Variants in RASAL2 observed in about 807,000 individuals in gnomAD.
RASAL2 encodes the protein ras GTPase-activating protein nGAP.
RASAL2 carries 58 observed loss-of-function variants against 128.9 expected under a neutral mutation model. The ratio of observed to expected loss-of-function variants is 0.45; its 90% confidence interval spans 0.36 to 0.56. The LOEUF is 0.56. Ranked by LOEUF, RASAL2 falls within the 20% of genes least tolerant of loss-of-function variation. The pLI is 0.00. For synonymous variants in RASAL2, 561 were observed against 580.8 expected (o/e 0.97, Z 0.49); for missense variants, 1,360 against 1,601.6 (o/e 0.85, Z 2.57).
At position 178,373,599 on chromosome 1, in the gene RASAL2, A is replaced by G. The variant is rs116502979; in HGVS notation, c.458-16501A>G. Among the ~76,000 whole-genome samples the G allele has an allele frequency of 3.3e-3, 508 of 152,160 alleles. 4 individuals carry two copies. The highest frequency in any genetic ancestry group is 0.012 in the African/African-American group (492 of 41,548). ...CATGGGAAAGGAAGGCAGAGTTATC[A>G]TTAAACATATTTTCTGTGCTCTGGC... On this transcript the variant is annotated intron_variant, in intron 3 of 17. Transcript: ENST00000367649.
intron 1 of RASAL2, among the ~76,000 whole-genome samples, chr1:178,210,140 G>C (rs533369940): frequency 3.3e-5 from 5 of 151,554 alleles, no homozygotes; most frequent in South Asian, 2.1e-4. Flanking sequence ...AGTTTCCTCT[G>C]ACCTTATTCT....
intron 3 of RASAL2, among the ~76,000 whole-genome samples, chr1:178,311,253 AACACACAC>A (rs67243509): frequency 1.5e-4 from 22 of 143,702 alleles, no homozygotes; most frequent in East Asian, 4.0e-4. Context: ...CACACACACA[AACACACAC>A]ACACACACAC....
intron 1 of RASAL2, among the ~76,000 whole-genome samples, chr1:178,167,267 A>G (rs1661550013): frequency 6.6e-6 from 1 of 152,164 alleles, no homozygotes. Context: ...CAGATAAAGC[A>G]GTAACAGAAT....
intron 3 of RASAL2, among the ~76,000 whole-genome samples, chr1:178,337,708 G>T (rs1213406448): frequency 1.3e-5 from 2 of 152,034 alleles, no homozygotes; most frequent in Admixed American, 1.3e-4. Context: ...TAATTTATTT[G>T]ATAAGCAATA....
At chr1:178,094,823 T>C in intron 1 of RASAL2, 129 bp downstream of exon 1, 1 of 1,138,982 alleles carries the variant, frequency 8.8e-7, no homozygotes, top group Non-Finnish European at 1.2e-6. Flanking sequence ...TCCCTTTTTG[T>C]TCTGGGGGTG....
intron 1 of RASAL2, among the ~76,000 whole-genome samples, chr1:178,158,062 T>C (rs1337815535): frequency 2.6e-5 from 4 of 152,226 alleles, no homozygotes; most frequent in Admixed American, 6.5e-5. Context: ...GACTGCTTTG[T>C]TATGTTTGTA....
In RASAL2 at chr1:178,473,526, T is replaced by C. The variant is rs2102976927; in HGVS notation, c.*287T>C. ...AAGGAAGTTAATAATGTAGATTACC[T>C]TTTTGATTATTGCTATTTTTATTAT... is the stretch of plus-strand genomic sequence containing the variant. On this transcript the variant is annotated 3_prime_UTR_variant, in exon 18 of 18. Coordinates refer to ENST00000367649, the MANE Select transcript of RASAL2 (RefSeq NM_170692.4). 2.5e-6 allele frequency: 1 copy of C among 403,786 alleles called. No homozygotes were observed. The highest frequency in any genetic ancestry group is 3.7e-5 in the South Asian group (1 of 26,944). The allele number at this position is 403,786 out of a possible 1,614,324, so 25.0% of individuals were successfully genotyped here.
chr1:178,248,560 G>A (rs937946338), intron 1 of RASAL2, among the ~76,000 whole-genome samples: 9 of 152,062 alleles, frequency 5.9e-5, no homozygotes, highest in Admixed American at 4.6e-4. Flanking sequence ...GGTTAATATC[G>A]TTAGTATGTG....
In RASAL2 at chr1:178,299,428, C is replaced by T. The variant is rs147064370; in HGVS notation, c.331-564C>T. Among the ~76,000 whole-genome samples, 11 of 152,254 alleles carry T rather than the reference C, an allele frequency of 7.2e-5. No individual in the cohort carries two copies. In the East Asian group the frequency reaches 1.9e-3, roughly 27 times the overall value. On this transcript the variant is annotated intron_variant, in intron 2 of 17. Coordinates refer to ENST00000367649, the MANE Select transcript of RASAL2 (RefSeq NM_170692.4). ...TTTCTGAGCTCCAGGAGCAAGTACG[C>T]ACCTGGTTATGATTTGTACATACTT... is the stretch of plus-strand genomic sequence containing the variant.
chr1:178,323,874 A>G (rs1371988814), intron 3 of RASAL2, among the ~76,000 whole-genome samples: 1 of 152,180 alleles, frequency 6.6e-6, no homozygotes, highest in Non-Finnish European at 1.5e-5. Context: ...ATTAGTATAT[A>G]AAAACCACAC....
intron 1 of RASAL2, among the ~76,000 whole-genome samples, chr1:178,208,072 G>A (rs964951189): frequency 5.9e-5 from 9 of 152,076 alleles, no homozygotes; most frequent in African/African-American, 1.4e-4. Context: ...GAGGATGTAC[G>A]TCACCTCAGG....
intron 3 of RASAL2, among the ~76,000 whole-genome samples, chr1:178,348,215 T>C (rs1670252826): frequency 6.6e-6 from 1 of 152,250 alleles, no homozygotes; most frequent in African/African-American, 2.4e-5. Flanking sequence ...ATTCAGATGC[T>C]GGTTACTAGC....
chr1:178,357,131 C>G (rs568483532), intron 3 of RASAL2, among the ~76,000 whole-genome samples: 8 of 152,138 alleles, frequency 5.3e-5, no homozygotes, highest in Non-Finnish European at 8.8e-5. Flanking sequence ...TTGATAGATG[C>G]TGTTAAATAG....
chr1:178,376,501 T>C (rs555310775), intron 3 of RASAL2, among the ~76,000 whole-genome samples: 14 of 152,106 alleles, frequency 9.2e-5, no homozygotes, highest in African/African-American at 3.4e-4. Flanking sequence ...GGTTTGGAGG[T>C]GAGAGTAGAA....
At chr1:178,125,011 A>G (rs945483880) in intron 1 of RASAL2, among the ~76,000 whole-genome samples, 1 of 152,208 alleles carries the variant, frequency 6.6e-6, no homozygotes, top group African/African-American at 2.4e-5. Context: ...TCATACTTAG[A>G]GAAATTATCT....
chr1:178,335,302 G>T (rs1030889518), intron 3 of RASAL2, among the ~76,000 whole-genome samples: 1 of 152,002 alleles, frequency 6.6e-6, no homozygotes, highest in African/African-American at 2.4e-5. Context: ...TTGTAATACT[G>T]GTTTTTCTTC....
intron 2 of RASAL2, among the ~76,000 whole-genome samples, chr1:178,294,946 G>C (rs1427424067): frequency 6.6e-6 from 1 of 152,154 alleles, no homozygotes; most frequent in Non-Finnish European, 1.5e-5. Context: ...AAACAGAATA[G>C]AGATACTAGT....
At chr1:178,201,169 T>C (rs1288074239) in intron 1 of RASAL2, among the ~76,000 whole-genome samples, 1 of 152,196 alleles carries the variant, frequency 6.6e-6, no homozygotes, top group Non-Finnish European at 1.5e-5. Flanking sequence ...TGATGGTGGA[T>C]GGAACGTAGA....
rs771097312 is a variant in RASAL2 at position 178,457,739 on chromosome 1, G to A, written c.2447G>A (p.Gly816Glu). Residue 816 changes from glycine to glutamate, a missense_variant, in exon 14 of 18, where the codon GGG (glycine) becomes GAG (glutamate). Gly to Glu is a moderately conservative substitution (Grantham distance 98). This residue lies in a region of RASAL2 where 741 missense variants were observed against 868.6 expected (regional missense o/e 0.85). Coordinates refer to ENST00000367649, the MANE Select transcript of RASAL2 (RefSeq NM_170692.4). ...GACAACACAGACAGCTACTTCAGAG[G>A]GAAAACATTATTGCTGGTTCAGCAA... is the stretch of plus-strand genomic sequence containing the variant. ...SQDNTDSYFR[G>E]KTLLLVQQAS... The A allele has an allele frequency of 3.1e-6, 5 of 1,614,152 alleles. No individual in the cohort carries two copies. The highest frequency in any genetic ancestry group is 4.2e-6 in the Non-Finnish European group (5 of 1,180,014).
Sources: allele counts gnomAD v4.1 joint callset (sites outside exome capture counted in the v4.1 genomes callset), GRCh38; gene constraint gnomAD v4.1.1; regional missense constraint gnomAD v4.1.1; transcripts MANE v1.5; gene names NCBI Gene and HGNC (gene_info 2026-07-23, HGNC 2026-07-21).